SMARCA2: variants seen among roughly 807,000 people sequenced by gnomAD.
The protein encoded by SMARCA2 is SWI/SNF-related matrix-associated actin-dependent regulator of chromatin subfamily A member 2.
In SMARCA2, 61 loss-of-function variants were observed where a neutral mutation model predicts 199.8. The observed-to-expected ratio is 0.31, with a 90% confidence interval of 0.25 to 0.38. The LOEUF is 0.38. Ranked by LOEUF, SMARCA2 falls within the 10% of genes least tolerant of loss-of-function variation. The probability of loss-of-function intolerance (pLI) is 1.00; values close to 1 mark genes in which losing one functional copy is unlikely to be tolerated. For missense variants in SMARCA2, 1,344 were observed against 2,012.2 expected (o/e 0.67, Z 6.35); for synonymous variants, 935 against 732.0 (o/e 1.28, Z -4.48).
intron 27 of SMARCA2, among the ~76,000 whole-genome samples, chr9:2,145,745 G>GT (rs1824709018): frequency 6.6e-6 from 1 of 152,218 alleles, no homozygotes; most frequent in Admixed American, 6.5e-5. Context: ...GTTCTCAACT[G>GT]TTTTTACAGT....
At chr9:2,157,943 G>A (rs1239562596) in intron 27 of SMARCA2, 5 of 398,282 alleles carry the variant, frequency 1.3e-5, no homozygotes, top group South Asian at 1.3e-4. Flanking sequence ...GCTGCTTCCC[G>A]GGTCTGCCAT....
intron 27 of SMARCA2, chr9:2,157,591 A>T (rs1201916768): frequency 1.7e-5 from 5 of 292,920 alleles, no homozygotes; most frequent in Non-Finnish European, 2.5e-5. Context: ...AGAAATTTCC[A>T]TGCCTTGTCT....
At chr9:2,171,024 T>C (rs1826223061) in intron 29 of SMARCA2, among the ~76,000 whole-genome samples, 1 of 152,204 alleles carries the variant, frequency 6.6e-6, no homozygotes, top group African/African-American at 2.4e-5. Context: ...GGCCTACCTG[T>C]TGTGTGTAGT....
chr9:2,192,418 GA>G lies in SMARCA2; in HGVS notation c.4738-281del, dbSNP rs147667230. 669 of 359,892 alleles carry G rather than the reference GA, an allele frequency of 1.9e-3. 4 individuals carry two copies. The highest frequency in any genetic ancestry group is 0.013 in the African/African-American group (628 of 46,546). 22.3% of individuals were successfully genotyped at this position (359,892 alleles called of 1,614,324 possible). ...CATGAATTTTCTAAAACCTGGGGCT[GA>G]AAAAGAGAAAATATTAGCCATAAAC... On this transcript the variant is annotated intron_variant, in intron 33 of 33. Transcript: ENST00000349721.
At chr9:2,178,774 T>G (rs1826803332) in intron 29 of SMARCA2, among the ~76,000 whole-genome samples, 1 of 152,128 alleles carries the variant, frequency 6.6e-6, no homozygotes, top group South Asian at 2.1e-4. Flanking sequence ...CTCCAGCAAG[T>G]GTTCGTGCTA....
intron 8 of SMARCA2, among the ~76,000 whole-genome samples, chr9:2,059,079 T>G (rs1220414709): frequency 6.6e-6 from 1 of 152,224 alleles, no homozygotes; most frequent in Admixed American, 6.5e-5. Context: ...ACAGAAGAGA[T>G]AGGTTTATAT....
rs1828031082 is a variant in SMARCA2, at chr9:2,193,439, G to A, written c.*700G>A. ...TATAGTGTATTGGATGGCTTCTTTT[G>A]TCACCCTGATCTCCTATGTTACCAA... On this transcript the variant is annotated 3_prime_UTR_variant, in exon 34 of 34. Coordinates refer to ENST00000349721, the MANE Select transcript of SMARCA2 (RefSeq NM_003070.5). 2 of 152,552 alleles carry A rather than the reference G, an allele frequency of 1.3e-5. No individual in the cohort carries two copies. The highest frequency in any genetic ancestry group is 2.4e-5 in the African/African-American group (1 of 41,418). The allele number at this position is 152,552 out of a possible 1,614,324, so 9.4% of individuals were successfully genotyped here.
intron 27 of SMARCA2, among the ~76,000 whole-genome samples, chr9:2,134,278 T>C (rs1824098507): frequency 6.6e-6 from 1 of 152,228 alleles, no homozygotes; most frequent in Non-Finnish European, 1.5e-5. Flanking sequence ...CTGAATATGT[T>C]ACAGGACCAC....
chr9:2,186,191 G>C lies in SMARCA2; in HGVS notation c.4557G>C (p.Glu1519Asp). The C allele has an allele frequency of 6.2e-7, 1 of 1,614,070 alleles. No homozygotes were observed. The highest frequency in any genetic ancestry group is 1.3e-5 in the African/African-American group (1 of 75,028). Residue 1519 changes from glutamate (E) to aspartate (D), a missense_variant, in exon 32 of 34, where the codon GAG (glutamate) becomes GAC (aspartate). Glu to Asp is a conservative substitution (Grantham distance 45). This residue lies in a region of SMARCA2 where 155 missense variants were observed against 121.1 expected (regional missense o/e 1.28). Coordinates refer to ENST00000349721, the MANE Select transcript of SMARCA2 (RefSeq NM_003070.5). ...AGAGTGAGGATGAAAGCAATGAAGAGGAGGAAGAGGAAGATGAAGAAGAGT... is the reference window on the plus strand; with the variant it reads ...AGAGTGAGGATGAAAGCAATGAAGACGAGGAAGAGGAAGATGAAGAAGAGT... ...EEESEDESNE[E>D]EEEEDEEESE...
intron 21 of SMARCA2, 112 bp from the exon 22 acceptor site, chr9:2,101,458 A>G (rs1437158193): frequency 3.7e-6 from 2 of 534,126 alleles, no homozygotes; most frequent in African/African-American, 4.0e-5. Context: ...CTTATTCATT[A>G]ATTATTTTGT....
intron 29 of SMARCA2, among the ~76,000 whole-genome samples, chr9:2,171,214 C>G (rs1826231203): frequency 6.6e-6 from 1 of 152,154 alleles, no homozygotes; most frequent in South Asian, 2.1e-4. Context: ...AGAGAGATAA[C>G]ATTTCTTTCT....
intron 24 of SMARCA2, among the ~76,000 whole-genome samples, chr9:2,112,479 A>AT (rs373626702): frequency 1.6e-3 from 239 of 145,580 alleles, no homozygotes; most frequent in South Asian, 7.1e-3. Flanking sequence ...CCCGCCTCTC[A>AT]TTTTTTTTTT....
At chr9:2,184,455 C>T (rs569636329) in intron 31 of SMARCA2, among the ~76,000 whole-genome samples, 1 of 149,884 alleles carries the variant, frequency 6.7e-6, no homozygotes, top group South Asian at 2.1e-4. Context: ...TGGGTTCAAG[C>T]AATTCTTCTG....
intron 27 of SMARCA2, chr9:2,160,488 A>G (rs1363199798): frequency 5.2e-6 from 3 of 579,078 alleles, no homozygotes; most frequent in Non-Finnish European, 9.5e-6. Flanking sequence ...TCTTCACAAA[A>G]CCTTTCTTTT....
chr9:2,047,614 C>T lies in SMARCA2; in HGVS notation c.1046+130C>T, dbSNP rs1034492066. On this transcript the variant is annotated intron_variant, in intron 5 of 33. Coordinates refer to ENST00000349721, the MANE Select transcript of SMARCA2 (RefSeq NM_003070.5). ...TTCACCCGTGCGGTCGGAAAACTTT[C>T]ATCCACTCCTGGGGCCTTCCCGGTG... 19 of 1,117,674 alleles carry T rather than the reference C, an allele frequency of 1.7e-5. No homozygotes were observed. The African/African-American group carries it at 2.6e-4, about 16-fold the overall frequency. The allele number at this position is 1,117,674 out of a possible 1,614,324, so 69.2% of individuals were successfully genotyped here.
At chr9:2,118,439 G>C (rs1269218024) in intron 25 of SMARCA2, among the ~76,000 whole-genome samples, 2 of 152,126 alleles carry the variant, frequency 1.3e-5, no homozygotes, top group Admixed American at 6.5e-5. Flanking sequence ...CATCTCATTT[G>C]AGCCGCTAGT....
chr9:2,114,726 CTTA>C (rs1330078211), intron 24 of SMARCA2, among the ~76,000 whole-genome samples: 1 of 151,946 alleles, frequency 6.6e-6, no homozygotes, highest in East Asian at 1.9e-4. Flanking sequence ...AAGCTTTTTT[CTTA>C]TTATTAATAT....
At chr9:2,037,110 G>A (rs942669102) in intron 3 of SMARCA2, among the ~76,000 whole-genome samples, 2 of 152,138 alleles carry the variant, frequency 1.3e-5, no homozygotes, top group South Asian at 4.1e-4. Context: ...ACTCAGTGCT[G>A]GCCAGAAAGA....
intron 27 of SMARCA2, among the ~76,000 whole-genome samples, chr9:2,130,483 A>G (rs555022920): frequency 6.6e-6 from 1 of 152,358 alleles, no homozygotes; most frequent in African/African-American, 2.4e-5. Flanking sequence ...TTGTCTCTGC[A>G]TACCAACTTT....
Sources: gnomAD v4.1 joint callset for allele counts (sites outside exome capture counted in the v4.1 genomes callset) on GRCh38, gnomAD v4.1.1 for gene constraint, gnomAD v4.1.1 regional missense constraint, MANE v1.5 for transcripts, NCBI Gene and HGNC (gene_info 2026-07-23, HGNC 2026-07-21) for gene names.